NLRP5: variants seen among roughly 807,000 people sequenced by gnomAD.
The protein encoded by NLRP5 is NLR family pyrin domain containing 5, also known as NACHT, LRR and PYD domains-containing protein 5.
Under a neutral mutation model 113.1 loss-of-function variants are expected in NLRP5, and 93 were observed. The ratio of observed to expected loss-of-function variants is 0.82; its 90% CI spans 0.70 to 0.98. The LOEUF is 0.98. Ranked by LOEUF, NLRP5 falls within the 50% of genes least tolerant of loss-of-function variation. The pLI, the probability that NLRP5 is intolerant of heterozygous loss-of-function variation, is 0.00. For synonymous variants in NLRP5, 751 were observed against 600.7 expected, an observed-to-expected ratio of 1.25 and a Z score of -3.66; for missense variants, 1,808 against 1,514.3, an observed-to-expected ratio of 1.19 and a Z score of -3.22.
At chr19:55,987,670 A>G in the NLRP5 span, 2 of 622,806 alleles carry the variant, frequency 3.2e-6, no homozygotes, top group African/African-American at 1.8e-5. Flanking sequence ...GCTGCTTTCT[A>G]ATCATTCAGG....
rs369071652 is a variant in NLRP5, at chr19:56,040,976, C to A, written c.2841C>A (p.Leu947=). 3.7e-6 allele frequency: 6 copies of A among 1,613,934 alleles called. No individual in the cohort carries two copies. Among genetic ancestry groups the A allele is most frequent in the East Asian group, 2.2e-5 (1 of 44,874 alleles). ...GTTGCCAGAGTCTGGCCTCAGCCCTCGTCAGCAACCGGAGCTTGACACACC... is the reference window on the plus strand; with the variant it reads ...GTTGCCAGAGTCTGGCCTCAGCCCTAGTCAGCAACCGGAGCTTGACACACC... Residue 947 remains leucine, a synonymous_variant, in exon 11 of 15, where the codon CTC becomes CTA. Transcript: ENST00000390649.
Position 56,026,908 on chromosome 19 carries a change from T to C in NLRP5, c.680-5T>C. The C allele has an allele frequency of 7.7e-6, 12 of 1,549,232 alleles. No homozygotes were observed. Among genetic ancestry groups the C allele is most frequent in the Non-Finnish European group, 1.0e-5 (12 of 1,145,160 alleles). ...TGATTTTCATTCTACCCTCTCTGAC[T>C]CCAGGACATGGAGGTGACACATGGG... On this transcript the variant is annotated splice_region_variant and splice_polypyrimidine_tract_variant and intron_variant, in intron 6 of 14. Transcript: ENST00000390649.
rs369622191 is a variant in NLRP5 at position 56,043,542 on chromosome 19, CTTTTTTTTTTTTTTT to C, written c.2957+2477_2957+2491del. 3.2e-3 allele frequency among the ~76,000 whole-genome samples: 296 copies of C among 92,708 alleles called. 4 individuals are homozygous for C. Among genetic ancestry groups the C allele is most frequent in the African/African-American group, 0.011 (198 of 18,714 alleles). The allele number at this position is 92,708 out of a possible 152,430, so 60.8% of individuals were successfully genotyped here. Reference sequence around the variant, plus strand: ...TGGATTGTCTGTTTACTCTGCTATTCTTTTTTTTTTTTTTTTTTTTTTTTTTTTTTTTTTTTTTTT... The same window carrying C: ...TGGATTGTCTGTTTACTCTGCTATTCTTTTTTTTTTTTTTTTTTTTTTTTT... On this transcript the variant is annotated intron_variant, in intron 11 of 14. Transcript: ENST00000390649.
At chr19:56,045,898 T>G (rs1429598867) in intron 11 of NLRP5, among the ~76,000 whole-genome samples, 2 of 152,094 alleles carry the variant, frequency 1.3e-5, no homozygotes, top group Non-Finnish European at 2.9e-5. Flanking sequence ...AGCTAGCTGT[T>G]TTTCTTCTGT....
intron 14 of NLRP5, among the ~76,000 whole-genome samples, chr19:56,059,865 G>A (rs1482723794): frequency 6.6e-6 from 1 of 152,170 alleles, no homozygotes; most frequent in Non-Finnish European, 1.5e-5. Context: ...TTTCTCAGTT[G>A]AGTAACTGTT....
intron 3 of NLRP5, among the ~76,000 whole-genome samples, chr19:56,013,181 C>G (rs868783030): frequency 6.6e-6 from 1 of 151,970 alleles, no homozygotes; most frequent in Non-Finnish European, 1.5e-5. Context: ...CTTCATTTAA[C>G]ATAATGTTTT....
intron 3 of NLRP5, among the ~76,000 whole-genome samples, chr19:56,013,226 T>C (rs916645082): frequency 3.3e-5 from 5 of 152,152 alleles, no homozygotes; most frequent in Non-Finnish European, 7.4e-5. Flanking sequence ...GGAGTCGTGC[T>C]CTGTTGCTGA....
chr19:56,028,818 G>A (rs1385128662), intron 7 of NLRP5, among the ~76,000 whole-genome samples: 1 of 152,126 alleles, frequency 6.6e-6, no homozygotes, highest in African/African-American at 2.4e-5. Flanking sequence ...AGGCTGGAGT[G>A]TAGTGGCACG....
At chr19:56,053,941 G>A (rs1323599562) in intron 13 of NLRP5, 133 bp downstream of exon 13, 13 of 747,490 alleles carry the variant, frequency 1.7e-5, no homozygotes, top group Non-Finnish European at 2.7e-5. Context: ...TGCAACCTTC[G>A]CAGCACCACA....
chr19:56,005,749 A>C (rs974608088), intron 2 of NLRP5, among the ~76,000 whole-genome samples: 1 of 152,202 alleles, frequency 6.6e-6, no homozygotes, highest in Non-Finnish European at 1.5e-5. Flanking sequence ...AAAAAGGCCC[A>C]GTGTGGAGGG....
At chr19:56,001,049 C>T (rs895571266) in intron 1 of NLRP5, among the ~76,000 whole-genome samples, 2 of 150,956 alleles carry the variant, frequency 1.3e-5, no homozygotes, top group African/African-American at 4.9e-5. Context: ...TGGCTGGGCG[C>T]AGTAGCTCAT....
rs144920020 is a variant in NLRP5 at position 56,005,944 on chromosome 19, T to C, written c.442+1849T>C. Among the ~76,000 whole-genome samples, 725 of 152,294 alleles carry C rather than the reference T, an allele frequency of 4.8e-3. 4 individuals are homozygous for C. The highest frequency in any genetic ancestry group is 0.016 in the African/African-American group (672 of 41,558). Reference sequence around the variant, plus strand: ...AAGATACATAACTTGACCAACTTCATGGGCTAATAAGTGGCAAAGATGAGA... The same window carrying C: ...AAGATACATAACTTGACCAACTTCACGGGCTAATAAGTGGCAAAGATGAGA... On this transcript the variant is annotated intron_variant, in intron 2 of 14. Coordinates refer to ENST00000390649, the MANE Select transcript of NLRP5 (RefSeq NM_153447.4).
intron 3 of NLRP5, among the ~76,000 whole-genome samples, chr19:56,010,742 C>CAAAAAAATAAAAAAAAAAAAAA (rs1982151779): frequency 2.4e-5 from 1 of 41,278 alleles, no homozygotes; most frequent in Admixed American, 3.1e-4. Context: ...AACTCTGTCT[C>CAAAAAAATAAAAAAAAAAAAAA]AAAAAAAAAA....
rs773351734 is a variant in NLRP5 at position 56,032,599 on chromosome 19, C to G, written c.2277-12C>G. ...ATCCCATGAGCCCATGTTTCTATCCCCCCTGACATAGGATGCGGGATAAGA... is the reference window on the plus strand; with the variant it reads ...ATCCCATGAGCCCATGTTTCTATCCGCCCTGACATAGGATGCGGGATAAGA... On this transcript the variant is annotated splice_polypyrimidine_tract_variant and intron_variant, in intron 7 of 14. Coordinates refer to ENST00000390649, the MANE Select transcript of NLRP5 (RefSeq NM_153447.4). The G allele has an allele frequency of 1.2e-6, 2 of 1,607,582 alleles. No homozygotes were observed. Among genetic ancestry groups the G allele is most frequent in the South Asian group, 1.1e-5 (1 of 90,124 alleles).
chr19:56,015,552 G>T (rs746823156), intron 3 of NLRP5, among the ~76,000 whole-genome samples, 190 bp from the exon 4 acceptor site: 1 of 152,144 alleles, frequency 6.6e-6, no homozygotes, highest in Non-Finnish European at 1.5e-5. Context: ...ATTTTGAATC[G>T]TCGGATCTTG....
At chr19:56,011,351 G>A (rs1199179339) in intron 3 of NLRP5, among the ~76,000 whole-genome samples, 1 of 152,022 alleles carries the variant, frequency 6.6e-6, no homozygotes, top group Non-Finnish European at 1.5e-5. Flanking sequence ...GGGAAACTTA[G>A]AGGGTGAGGA....
chr19:55,998,718 A>ATATATATGTGTG (rs1568478332), upstream of NLRP5, among the ~76,000 whole-genome samples: 8 of 139,682 alleles, frequency 5.7e-5, no homozygotes, highest in African/African-American at 1.7e-4. Flanking sequence ...GTGTGTGTAT[A>ATATATATGTGTG]TATATATATA....
At chr19:56,013,601 T>TTG (rs1982292497) in intron 3 of NLRP5, among the ~76,000 whole-genome samples, 1 of 132,454 alleles carries the variant, frequency 7.5e-6, no homozygotes, top group Non-Finnish European at 1.6e-5. Context: ...TTTGGGTTTT[T>TTG]TTTTTTTTTT....
Position 56,028,420 on chromosome 19 carries a change from C to G in NLRP5, c.2187C>G (p.His729Gln). 1 of 1,613,958 alleles carries G rather than the reference C, an allele frequency of 6.2e-7. No individual in the cohort carries two copies. The highest frequency in any genetic ancestry group is 1.3e-5 in the African/African-American group (1 of 75,068). ...TAGCATCTTCCTTCTGCCTCCAGCA[C>G]TGTCCGTATTTGCGGAAAATTCGGG... Residue 729 changes from histidine to glutamine, a missense_variant, in exon 7 of 15, where the codon CAC (histidine) becomes CAG (glutamine). Coordinates refer to ENST00000390649, the MANE Select transcript of NLRP5 (RefSeq NM_153447.4).
Sources: gnomAD v4.1 joint callset for allele counts (sites outside exome capture counted in the v4.1 genomes callset) on GRCh38, gnomAD v4.1.1 for gene constraint, MANE v1.5 for transcripts, NCBI Gene and HGNC (gene_info 2026-07-23, HGNC 2026-07-21) for gene names.